Variants in NCOR1 observed in about 807,000 individuals in gnomAD.
NCOR1 encodes the protein nuclear receptor corepressor 1.
In NCOR1, 63 loss-of-function variants were observed where a neutral mutation model predicts 288.1. The observed-to-expected ratio is 0.22, with a 90% CI of 0.18 to 0.27. The LOEUF is 0.27. Among genes scored for constraint, NCOR1 ranks in the 10% least tolerant of loss-of-function variants. The pLI is 1.00. For synonymous variants in NCOR1, 1,007 were observed against 1,065.9 expected (o/e 0.94, Z 1.08); for missense variants, 2,397 against 3,019.2 (o/e 0.79, Z 4.83).
At chr17:16,151,898 G>A (rs2153381424) in intron 8 of NCOR1, 48 bp downstream of exon 8, 1 of 1,330,414 alleles carries the variant, frequency 7.5e-7, no homozygotes, top group Admixed American at 1.9e-5. Flanking sequence ...TCTCTTTATA[G>A]AATATACGGT....
chr17:16,068,800 A>G (rs1598150139), intron 31 of NCOR1, among the ~76,000 whole-genome samples: 2 of 145,868 alleles, frequency 1.4e-5, no homozygotes, highest in South Asian at 4.3e-4. Flanking sequence ...TGCAGTCTCT[A>G]CCTCCTGGGT....
intron 1 of NCOR1, among the ~76,000 whole-genome samples, chr17:16,200,495 CAAAAAAAAAAAAAAA>C (rs55957034): frequency 1.6e-5 from 1 of 60,682 alleles, no homozygotes; most frequent in Non-Finnish European, 2.8e-5. Flanking sequence ...GACTCCATCT[CAAAAAAAAAAAAAAA>C]AAAAAAAAAA....
rs1370304706 is a variant in NCOR1 at position 16,128,629 on chromosome 17, T to C, written c.1510-2423A>G. 5.9e-5 allele frequency among the ~76,000 whole-genome samples: 9 copies of C among 152,242 alleles called. No individual in the cohort carries two copies. In the South Asian group the frequency reaches 6.2e-4, roughly 11 times the overall value. ...TTTACCCTCCAATCTCGACTGTTCA[T>C]TCTGATCCAGGCTAATGTCAATCTT... On this transcript the variant is annotated intron_variant, in intron 14 of 45. Coordinates refer to ENST00000268712, the MANE Select transcript of NCOR1 (RefSeq NM_006311.4).
Position 16,153,352 on chromosome 17 carries a change from G to T in NCOR1, c.776C>A (p.Pro259Gln). 2 of 1,592,598 alleles carry T rather than the reference G, an allele frequency of 1.3e-6. No individual in the cohort carries two copies. The highest frequency in any genetic ancestry group is 8.5e-7 in the Non-Finnish European group (1 of 1,169,878). ...EAHKIFEGLG[P>Q]KVELPLYNQP... ...AAATTTACTTACCAGTTCAACTTTT[G>T]GGCCAAGACCTTCAAAAATTTTATG... The change falls in exon 7 of 46, where the codon CCA becomes CAA. Residue 259 changes from proline (P) to glutamine (Q), a missense_variant. Pro to Gln is a moderately conservative substitution (Grantham distance 76). Coordinates refer to ENST00000268712, the MANE Select transcript of NCOR1 (RefSeq NM_006311.4).
At chr17:16,164,390 G>A (rs2081567829) in intron 5 of NCOR1, among the ~76,000 whole-genome samples, 1 of 152,048 alleles carries the variant, frequency 6.6e-6, no homozygotes, top group African/African-American at 2.4e-5. Flanking sequence ...AAATTTCAAT[G>A]ACAAAATAGG....
chr17:16,196,184 C>T (rs1047811490), intron 1 of NCOR1, among the ~76,000 whole-genome samples: 4 of 149,978 alleles, frequency 2.7e-5, no homozygotes, highest in Non-Finnish European at 5.9e-5. Context: ...AATCTCCACA[C>T]ATTTAGTATT....
chr17:16,040,647 T>A lies in NCOR1; in HGVS notation c.6680-153A>T. The A allele has an allele frequency of 3.9e-6, 3 of 768,100 alleles. No homozygotes were observed. The East Asian group carries it at 8.3e-5, about 21-fold the overall frequency. 47.6% of individuals were successfully genotyped at this position (768,100 alleles called of 1,614,324 possible). ...CCATTAAGTGAAGATAAAATGGAAG[T>A]ATTTTTTTTTTTTGAGACAGGGTCT... On this transcript the variant is annotated intron_variant, in intron 42 of 45. Coordinates refer to ENST00000268712, the MANE Select transcript of NCOR1 (RefSeq NM_006311.4).
At chr17:16,159,091 A>G (rs1210956477) in intron 5 of NCOR1, among the ~76,000 whole-genome samples, 2 of 152,174 alleles carry the variant, frequency 1.3e-5, no homozygotes. Context: ...GAGTTTAAAA[A>G]AAAAAACTAA....
Position 16,075,640 on chromosome 17 carries a change from C to T in NCOR1, c.3564G>A (p.Ser1188=), listed in dbSNP as rs144012103. 5.0e-6 allele frequency: 8 copies of T among 1,614,198 alleles called. No homozygotes were observed. The highest frequency in any genetic ancestry group is 1.3e-5 in the African/African-American group (1 of 75,040). ...PTEALVKGSI[S]RMPIEDSSPE... Reference sequence around the variant, plus strand: ...GACTGCTGTCTTCAATGGGCATTCTCGAAATGGACCCCTTCACCAAAGCCT... The same window carrying T: ...GACTGCTGTCTTCAATGGGCATTCTTGAAATGGACCCCTTCACCAAAGCCT... The change falls in exon 27 of 46, where the codon TCG becomes TCA. Residue 1188 remains serine (S), a synonymous_variant. Coordinates refer to ENST00000268712, the MANE Select transcript of NCOR1 (RefSeq NM_006311.4).
intron 42 of NCOR1, among the ~76,000 whole-genome samples, chr17:16,045,919 C>G (rs1402464337): frequency 6.6e-6 from 1 of 152,078 alleles, no homozygotes; most frequent in Non-Finnish European, 1.5e-5. Flanking sequence ...TCAAGCAATC[C>G]TCCCACCTCA....
chr17:16,139,059 C>G lies in NCOR1; in HGVS notation c.1301G>C (p.Arg434Thr). The change falls in exon 12 of 46, where the codon AGG becomes ACG. Residue 434 changes from arginine to threonine, a missense_variant. Around this residue, in one of 11 missense-constraint regions of NCOR1, gnomAD observed 80 missense variants for 100.3 expected, o/e 0.80. Coordinates refer to ENST00000268712, the MANE Select transcript of NCOR1 (RefSeq NM_006311.4). ...GTCAGTCCAAACATTCATAAACTGCCTATCTTTATACACTTTCATAGGGTC... is the reference window on the plus strand; with the variant it reads ...GTCAGTCCAAACATTCATAAACTGCGTATCTTTATACACTTTCATAGGGTC... ...MEDPMKVYKD[R>T]QFMNVWTDHE... The G allele has an allele frequency of 6.2e-7, 1 of 1,608,326 alleles. No individual in the cohort carries two copies. Among genetic ancestry groups the G allele is most frequent in the Non-Finnish European group, 8.5e-7 (1 of 1,176,756 alleles).
rs2074555585 is a variant in NCOR1, at chr17:16,127,379, A to ATGTATGTATATATACATGTGTGTATATG, written c.1510-1174_1510-1173insCATATACACACATGTATATATACATACA. Among the ~76,000 whole-genome samples, 25 of 34,832 alleles carry ATGTATGTATATATACATGTGTGTATATG rather than the reference A, an allele frequency of 7.2e-4. 11 individuals carry two copies. Among genetic ancestry groups the ATGTATGTATATATACATGTGTGTATATG allele is most frequent in the Admixed American group, 3.0e-3 (11 of 3,728 alleles). 22.9% of individuals were successfully genotyped at this position (34,832 alleles called of 152,430 possible). A position where few individuals can be genotyped will look rare whatever the true frequency, so the allele number is the denominator to read the frequency against. On this transcript the variant is annotated intron_variant, in intron 14 of 45. Coordinates refer to ENST00000268712, the MANE Select transcript of NCOR1 (RefSeq NM_006311.4). ...TATGTATATATACATGTATGTATAT[A>ATGTATGTATATATACATGTGTGTATATG]TGTATGTATATATACATGTGTATAT... is the stretch of plus-strand genomic sequence containing the variant.
chr17:16,149,579 C>CT, intron 8 of NCOR1, 62 bp from the exon 9 acceptor site: 7 of 730,226 alleles, frequency 9.6e-6, no homozygotes, highest in Non-Finnish European at 1.6e-5. Context: ...AATGCATTCA[C>CT]TTTTTTTCCA....
intron 4 of NCOR1, among the ~76,000 whole-genome samples, chr17:16,168,681 A>G (rs1196782583): frequency 6.6e-6 from 1 of 152,000 alleles, no homozygotes; most frequent in Non-Finnish European, 1.5e-5. Context: ...CAACCTAAAT[A>G]ATGTATGGGC....
chr17:16,049,930 G>A (rs2059116774), intron 40 of NCOR1, among the ~76,000 whole-genome samples: 1 of 151,994 alleles, frequency 6.6e-6, no homozygotes, highest in Non-Finnish European at 1.5e-5. Flanking sequence ...CCCGCTCGTT[G>A]CCCAGGCAGG....
chr17:16,139,339 C>T (rs2076847076), intron 11 of NCOR1, among the ~76,000 whole-genome samples, 153 bp from the exon 12 acceptor site: 1 of 152,110 alleles, frequency 6.6e-6, no homozygotes, highest in African/African-American at 2.4e-5. Flanking sequence ...ACAATAATTA[C>T]TCATATATCT....
chr17:16,127,582 T>G (rs1221872641), intron 14 of NCOR1, among the ~76,000 whole-genome samples: 1 of 145,966 alleles, frequency 6.9e-6, no homozygotes, highest in Non-Finnish European at 1.5e-5. Flanking sequence ...TATATACATA[T>G]GTGTATATAT....
intron 3 of NCOR1, among the ~76,000 whole-genome samples, chr17:16,179,108 AAAT>A (rs2084859221): frequency 6.6e-6 from 1 of 152,176 alleles, no homozygotes; most frequent in Non-Finnish European, 1.5e-5. Context: ...ACCTCAAACA[AAAT>A]AATATTATAT....
intron 1 of NCOR1, among the ~76,000 whole-genome samples, chr17:16,200,495 C>CAA (rs55957034): frequency 3.3e-4 from 20 of 60,666 alleles, no homozygotes; most frequent in Non-Finnish European, 4.5e-4. Context: ...GACTCCATCT[C>CAA]AAAAAAAAAA....
Sources: allele counts gnomAD v4.1 joint callset (sites outside exome capture counted in the v4.1 genomes callset), GRCh38; gene constraint gnomAD v4.1.1; regional missense constraint gnomAD v4.1.1; transcripts MANE v1.5; gene names NCBI Gene and HGNC (gene_info 2026-07-23, HGNC 2026-07-21).